DYNLL1: variants seen among roughly 807,000 people sequenced by gnomAD.
DYNLL1 encodes the protein dynein light chain 1, cytoplasmic.
In DYNLL1, 3 loss-of-function variants were observed where a neutral mutation model predicts 10.1. The ratio of observed to expected loss-of-function variants is 0.30; its 90% CI spans 0.14 to 0.77. The LOEUF is 0.77. Among genes scored for constraint, DYNLL1 ranks in the 30% least tolerant of loss-of-function variants. The pLI, the probability that DYNLL1 is intolerant of heterozygous loss-of-function variation, is 0.66. For synonymous variants in DYNLL1, 46 were observed against 41.2 expected, an observed-to-expected ratio of 1.12 and a Z score of -0.45; for missense variants, 47 against 111.7, an observed-to-expected ratio of 0.42 and a Z score of 2.61.
In DYNLL1 at chr12:120,498,389, T is replaced by G; in HGVS notation, c.*179T>G. On this transcript the variant is annotated 3_prime_UTR_variant, in exon 3 of 3. Transcript: ENST00000242577. ...TAGTTTGTCGTGGTTATAAAACAAT[T>G]AGCAGAATAGCCTACATTTGTATTT... The G allele has an allele frequency of 1.6e-6, 1 of 608,192 alleles. No individual in the cohort carries two copies. Among genetic ancestry groups the G allele is most frequent in the Non-Finnish European group, 2.6e-6 (1 of 383,546 alleles). 37.7% of individuals were successfully genotyped at this position (608,192 alleles called of 1,614,324 possible).
chr12:120,484,995 C>T (rs1368040930), intron 1 of DYNLL1, among the ~76,000 whole-genome samples: 1 of 152,178 alleles, frequency 6.6e-6, no homozygotes, highest in Non-Finnish European at 1.5e-5. Context: ...CCACCTGGGC[C>T]TCCCAAAGTG....
intron 1 of DYNLL1, among the ~76,000 whole-genome samples, chr12:120,472,103 A>G (rs1878663951): frequency 1.3e-5 from 2 of 152,226 alleles, no homozygotes; most frequent in Non-Finnish European, 2.9e-5. Flanking sequence ...TTAAAGTCAC[A>G]GTAATTTACA....
intron 1 of DYNLL1, among the ~76,000 whole-genome samples, chr12:120,487,603 A>C (rs889522748): frequency 1.3e-5 from 2 of 152,138 alleles, no homozygotes; most frequent in Non-Finnish European, 2.9e-5. Flanking sequence ...CGGAAGAAAG[A>C]CAGCACTTGA....
At chr12:120,489,696 A>G (rs1231940859) in intron 1 of DYNLL1, among the ~76,000 whole-genome samples, 1 of 152,094 alleles carries the variant, frequency 6.6e-6, no homozygotes, top group African/African-American at 2.4e-5. Context: ...TCTTCCTAGA[A>G]AACTCTTTAA....
intron 1 of DYNLL1, among the ~76,000 whole-genome samples, chr12:120,473,680 G>A (rs1275303720): frequency 9.8e-5 from 13 of 132,886 alleles, no homozygotes; most frequent in Middle Eastern, 9.1e-3. Context: ...GGTCAACACC[G>A]AGACTCTGTC....
At chr12:120,482,191 T>A (rs983006747) in intron 1 of DYNLL1, among the ~76,000 whole-genome samples, 8 of 152,188 alleles carry the variant, frequency 5.3e-5, no homozygotes, top group African/African-American at 1.7e-4. Context: ...TGGGAGCTAC[T>A]TGGGAGCTGA....
intron 1 of DYNLL1, among the ~76,000 whole-genome samples, chr12:120,483,917 G>T (rs1361645893): frequency 2.6e-5 from 4 of 152,002 alleles, no homozygotes; most frequent in Non-Finnish European, 2.9e-5. Flanking sequence ...GGACCCAGAG[G>T]AAGAGAGCAA....
chr12:120,474,099 C>T (rs2137056586), intron 1 of DYNLL1, among the ~76,000 whole-genome samples: 1 of 151,776 alleles, frequency 6.6e-6, no homozygotes, highest in East Asian at 1.9e-4. Flanking sequence ...AGCTGAGGCA[C>T]CACCAGCCTG....
intron 1 of DYNLL1, among the ~76,000 whole-genome samples, chr12:120,478,173 A>G (rs967215008): frequency 1.3e-5 from 2 of 151,660 alleles, no homozygotes; most frequent in African/African-American, 4.9e-5. Context: ...CAATGGCACA[A>G]TCTTTGCTCA....
At chr12:120,486,242 C>G (rs1878991447) in intron 1 of DYNLL1, among the ~76,000 whole-genome samples, 1 of 152,020 alleles carries the variant, frequency 6.6e-6, no homozygotes, top group South Asian at 2.1e-4. Context: ...GAGGCCCTGG[C>G]CAAAACCACC....
At chr12:120,479,667 G>A (rs1878841736) in intron 1 of DYNLL1, among the ~76,000 whole-genome samples, 1 of 151,976 alleles carries the variant, frequency 6.6e-6, no homozygotes, top group African/African-American at 2.4e-5. Context: ...GTAAATGAGA[G>A]GAGAAGAAAA....
intron 1 of DYNLL1, among the ~76,000 whole-genome samples, chr12:120,489,946 C>T (rs887292813): frequency 6.6e-6 from 1 of 152,218 alleles, no homozygotes; most frequent in African/African-American, 2.4e-5. Context: ...CGGGGTTTCA[C>T]CGTGTTGCCC....
intron 1 of DYNLL1, among the ~76,000 whole-genome samples, chr12:120,487,253 G>C (rs866020451): frequency 8.0e-6 from 1 of 125,658 alleles, no homozygotes; most frequent in African/African-American, 3.0e-5. Context: ...GATTACAGGC[G>C]TAAGCCACCG....
chr12:120,494,896 G>A (rs1879227211), upstream of DYNLL1, among the ~76,000 whole-genome samples: 1 of 152,202 alleles, frequency 6.6e-6, no homozygotes. Context: ...TTCAGAGCTG[G>A]TTGTTCAAAA....
At position 120,496,496 on chromosome 12, in the gene DYNLL1, T is replaced by C; in HGVS notation, c.75T>C (p.Ala25=). ...TGCAACAGGACTCGGTGGAGTGCGC[T>C]ACTCAGGCGCTGGAGAAATACAACA... ...EEMQQDSVEC[A]TQALEKYNIE... is the part of the protein sequence containing the mutation. The change falls in exon 2 of 3, where the codon GCT becomes GCC. Residue 25 remains alanine (A), a synonymous_variant. Coordinates refer to ENST00000242577, the MANE Select transcript of DYNLL1 (RefSeq NM_003746.3). 1 of 1,613,684 alleles carries C rather than the reference T, an allele frequency of 6.2e-7. No individual in the cohort carries two copies. The highest frequency in any genetic ancestry group is 2.2e-5 in the East Asian group (1 of 44,868).
chr12:120,477,490 C>T (rs1224519015), intron 1 of DYNLL1, among the ~76,000 whole-genome samples: 3 of 151,794 alleles, frequency 2.0e-5, no homozygotes, highest in African/African-American at 7.2e-5. Context: ...TACAGTCAGG[C>T]GTGGTGGCTC....
chr12:120,476,403 T>C (rs2137057751), intron 1 of DYNLL1, among the ~76,000 whole-genome samples: 1 of 152,252 alleles, frequency 6.6e-6, no homozygotes, highest in East Asian at 1.9e-4. Flanking sequence ...GCCCAGTGGC[T>C]GAACTTCCTT....
At chr12:120,483,996 G>C (rs1015211384) in intron 1 of DYNLL1, among the ~76,000 whole-genome samples, 7 of 152,048 alleles carry the variant, frequency 4.6e-5, no homozygotes, top group African/African-American at 7.3e-5. Context: ...GTGGTCACCG[G>C]TGACCACCAC....
At chr12:120,470,296 T>C (rs2137054343) in intron 1 of DYNLL1, among the ~76,000 whole-genome samples, 1 of 152,250 alleles carries the variant, frequency 6.6e-6, no homozygotes, top group Middle Eastern at 3.4e-3. Context: ...GGGCAGAGTC[T>C]GAGGCCACAG....
Sources: gnomAD v4.1 joint callset for allele counts (sites outside exome capture counted in the v4.1 genomes callset) on GRCh38, gnomAD v4.1.1 for gene constraint, MANE v1.5 for transcripts, NCBI Gene and HGNC (gene_info 2026-07-23, HGNC 2026-07-21) for gene names.